CCT3: variants seen among roughly 807,000 people sequenced by gnomAD.
CCT3 encodes T-complex protein 1 subunit gamma.
In CCT3, 10 loss-of-function variants were observed where a neutral mutation model predicts 65.3. The observed-to-expected ratio is 0.15, with a 90% CI of 0.09 to 0.26. The LOEUF (loss-of-function observed/expected upper bound fraction) is 0.26, where lower values mean the gene tolerates loss of function less well. Among genes scored for constraint, CCT3 ranks in the 10% least tolerant of loss-of-function variants. The pLI, the probability that CCT3 is intolerant of heterozygous loss-of-function variation, is 1.00. For synonymous variants in CCT3, 225 were observed against 242.3 expected, an observed-to-expected ratio of 0.93 and a Z score of 0.66; for missense variants, 626 against 708.7, an observed-to-expected ratio of 0.88 and a Z score of 1.33.
intron 5 of CCT3, chr1:156,333,248 G>C (rs1440084044): frequency 3.5e-6 from 1 of 281,842 alleles, no homozygotes; most frequent in East Asian, 1.1e-4. Context: ...AGCCAAGATC[G>C]CACCACCACA....
At chr1:156,335,764 T>C in intron 2 of CCT3, 63 bp downstream of exon 2, 2 of 1,403,696 alleles carry the variant, frequency 1.4e-6, no homozygotes, top group Non-Finnish European at 2.0e-6. Context: ...CACATGGCTA[T>C]GACCAAATAC....
rs1289577891 is a variant in CCT3 at position 156,310,898 on chromosome 1, CA to C, written c.1401+51del. The C allele has an allele frequency of 1.9e-5, 30 of 1,587,556 alleles. No individual in the cohort carries two copies. In the Admixed American group the frequency reaches 3.2e-4, roughly 17 times the overall value. ...CCAGATAAGAATCTTCCCCTCAGGGCAAACACAGCTTTCCCTGCTCCATCAA... is the reference window on the plus strand; with the variant it reads ...CCAGATAAGAATCTTCCCCTCAGGGCAACACAGCTTTCCCTGCTCCATCAA... On this transcript the variant is annotated intron_variant, in intron 12 of 13. Coordinates refer to ENST00000295688, the MANE Select transcript of CCT3 (RefSeq NM_005998.5).
chr1:156,314,681 T>A (rs1233768109), intron 10 of CCT3, among the ~76,000 whole-genome samples: 2 of 151,996 alleles, frequency 1.3e-5, no homozygotes, highest in African/African-American at 4.8e-5. Flanking sequence ...GCCACTGCAC[T>A]CCAGCGTGGG....
intron 2 of CCT3, chr1:156,335,384 T>C (rs966721020): frequency 5.5e-6 from 1 of 181,704 alleles, no homozygotes; most frequent in Non-Finnish European, 1.1e-5. Flanking sequence ...GAAGTCCATG[T>C]CTTAGTATTT....
At chr1:156,319,449 A>C (rs1381464000) in intron 7 of CCT3, among the ~76,000 whole-genome samples, 1 of 152,146 alleles carries the variant, frequency 6.6e-6, no homozygotes, top group Admixed American at 6.6e-5. Context: ...CCTTTCTTTG[A>C]TGAAGCTCAA....
rs749756620 is a variant in CCT3 at position 156,312,041 on chromosome 1, C to T, written c.1155G>A (p.Ser385=). Residue 385 remains serine (S), a splice_region_variant and synonymous_variant, in exon 11 of 14, where the codon TCG becomes TCA. Transcript: ENST00000295688. ...GGTCATACATCCAAGGCTGACTCAC[C>T]GAGAGAATCTCTTTGCTAGCCCCCC... ...LLRGASKEIL[S]EVERNLQDAM... 1.6e-5 allele frequency: 26 copies of T among 1,609,122 alleles called. No individual in the cohort carries two copies. In the African/African-American group the frequency reaches 2.1e-4, roughly 13 times the overall value.
intron 5 of CCT3, among the ~76,000 whole-genome samples, chr1:156,325,595 T>G (rs1664766682): frequency 2.1e-5 from 3 of 144,622 alleles, no homozygotes; most frequent in African/African-American, 7.5e-5. Flanking sequence ...TTTTTTTTTT[T>G]GAGAAGCAGT....
At chr1:156,329,998 G>C (rs892778397) in intron 5 of CCT3, among the ~76,000 whole-genome samples, 1 of 151,234 alleles carries the variant, frequency 6.6e-6, no homozygotes, top group South Asian at 2.1e-4. Flanking sequence ...ACCCTATTAA[G>C]AAATTATTAG....
chr1:156,319,576 T>C (rs1204234259), intron 7 of CCT3, among the ~76,000 whole-genome samples: 2 of 152,018 alleles, frequency 1.3e-5, no homozygotes, highest in East Asian at 1.9e-4. Context: ...ACAAAAGACT[T>C]AGAGGGGCTT....
intron 5 of CCT3, chr1:156,333,316 T>A: frequency 2.3e-6 from 1 of 430,570 alleles, no homozygotes; most frequent in Non-Finnish European, 4.2e-6. Flanking sequence ...AAAAGAATAT[T>A]ATAACTTACA....
chr1:156,310,529 C>T (rs1664040047), intron 13 of CCT3, 29 bp downstream of exon 13: 1 of 1,523,602 alleles, frequency 6.6e-7, no homozygotes, highest in South Asian at 1.3e-5. Context: ...TTAATTAAAA[C>T]AGCGTGTACA....
chr1:156,334,414 A>G (rs959258759), intron 4 of CCT3, among the ~76,000 whole-genome samples: 5 of 152,200 alleles, frequency 3.3e-5, no homozygotes, highest in South Asian at 4.1e-4. Context: ...CACAAGGGGA[A>G]TAACATGAAG....
intron 6 of CCT3, among the ~76,000 whole-genome samples, chr1:156,324,446 C>T (rs1186622932): frequency 6.6e-6 from 1 of 152,058 alleles, no homozygotes; most frequent in African/African-American, 2.4e-5. Flanking sequence ...ACTAAAATTC[C>T]CTGAAGCTAG....
chr1:156,318,985 G>C lies in CCT3; in HGVS notation c.642C>G (p.Val214=), dbSNP rs1558266979. The C allele has an allele frequency of 6.2e-7, 1 of 1,612,960 alleles. No individual in the cohort carries two copies. The highest frequency in any genetic ancestry group is 8.5e-7 in the Non-Finnish European group (1 of 1,179,576). Residue 214 remains valine, a synonymous_variant, in exon 8 of 14, where the codon GTC becomes GTG. Coordinates refer to ENST00000295688, the MANE Select transcript of CCT3 (RefSeq NM_005998.5). ...IPGGIIEDSC[V]LRGVMINKDV... is the part of the protein sequence containing the mutation. ...CCTTGTTAATCATGACTCCACGCAAGACACAGGAGTCTTCAATGATGCCTC... is the reference window on the plus strand; with the variant it reads ...CCTTGTTAATCATGACTCCACGCAACACACAGGAGTCTTCAATGATGCCTC...
intron 5 of CCT3, among the ~76,000 whole-genome samples, chr1:156,331,304 C>T (rs1381103177): frequency 6.6e-6 from 1 of 151,588 alleles, no homozygotes; most frequent in Non-Finnish European, 1.5e-5. Flanking sequence ...GCCTGGGCAA[C>T]ATGAGACCCC....
At chr1:156,332,256 C>T (rs1050814087) in intron 5 of CCT3, among the ~76,000 whole-genome samples, 1 of 152,170 alleles carries the variant, frequency 6.6e-6, no homozygotes, top group Admixed American at 6.5e-5. Flanking sequence ...TCGTGATCTG[C>T]CCACCTTGGC....
chr1:156,333,436 A>C, intron 5 of CCT3, 111 bp downstream of exon 5: 1 of 773,100 alleles, frequency 1.3e-6, no homozygotes, highest in Non-Finnish European at 2.2e-6. Context: ...AATAACCAAT[A>C]AGCTATTTAA....
intron 10 of CCT3, among the ~76,000 whole-genome samples, chr1:156,313,992 G>A (rs182134888): frequency 2.8e-4 from 43 of 151,516 alleles, no homozygotes; most frequent in African/African-American, 1.0e-3. Context: ...GGAGGCTGAG[G>A]CAGGAGAATC....
rs772349487 is a variant in CCT3 at position 156,325,006 on chromosome 1, A to G, written c.388T>C (p.Leu130=). 6.8e-6 allele frequency: 11 copies of G among 1,613,390 alleles called. No individual in the cohort carries two copies. The highest frequency in any genetic ancestry group is 6.7e-5 in the East Asian group (3 of 44,894). The change falls in exon 6 of 14, where the codon TTG becomes CTG. Residue 130 remains leucine, a synonymous_variant. Transcript: ENST00000295688. ...TTTAGGGTGCTGATCATATCATCCA[A>G]TGCCTTGCGGTAAGCACTGATCACC... ...TVVISAYRKA[L]DDMISTLKKI...
Sources: allele counts gnomAD v4.1 joint callset (sites outside exome capture counted in the v4.1 genomes callset), GRCh38; gene constraint gnomAD v4.1.1; transcripts MANE v1.5; gene names NCBI Gene and HGNC (gene_info 2026-07-23, HGNC 2026-07-21).